The following BCAR3 variants were observed in gnomAD, a reference collection of about 807,000 sequenced individuals.
BCAR3 encodes the protein BCAR3 adaptor protein, NSP family member.
BCAR3 carries 37 observed loss-of-function variants against 80.1 expected under a neutral mutation model. That is an observed-to-expected ratio of 0.46 (90% CI 0.36 to 0.61). The LOEUF is 0.61. BCAR3 is among the 20% of genes least tolerant of loss of function. The pLI, the probability that BCAR3 is intolerant of heterozygous loss-of-function variation, is 0.00. For missense variants in BCAR3, 978 were observed against 1,068.2 expected (o/e 0.92, Z 1.18); for synonymous variants, 389 against 418.9 (o/e 0.93, Z 0.87).
Position 93,590,470 on chromosome 1 carries a change from G to C in BCAR3, c.487-1051C>G, listed in dbSNP as rs561670799. 5.3e-5 allele frequency: 8 copies of C among 152,324 alleles called. No homozygotes were observed. The South Asian group carries it at 1.7e-3, about 32-fold the overall frequency. The allele number at this position is 152,324 out of a possible 1,614,324, so 9.4% of individuals were successfully genotyped here. The stretch of plus-strand genomic sequence containing the variant: ...GCAATAACTCGTTATTACGGTTATG[G>C]TTATAGTGTTCAGTTATCCAGTTTG... On this transcript the variant is annotated intron_variant, in intron 4 of 11. Transcript: ENST00000260502.
chr1:93,629,035 G>A (rs551792220), intron 3 of BCAR3, among the ~76,000 whole-genome samples: 14 of 152,296 alleles, frequency 9.2e-5, no homozygotes, highest in African/African-American at 3.1e-4. Context: ...AGGCCCATAC[G>A]TTTAATATGG....
chr1:93,810,362 A>C (rs1653793877), intron 2 of BCAR3, among the ~76,000 whole-genome samples: 1 of 152,130 alleles, frequency 6.6e-6, no homozygotes. Context: ...CTAGCCCTTA[A>C]GTTTTCCCTT....
At chr1:93,723,789 G>T (rs1347092723) in intron 2 of BCAR3, among the ~76,000 whole-genome samples, 1 of 152,152 alleles carries the variant, frequency 6.6e-6, no homozygotes, top group East Asian at 1.9e-4. Context: ...AACCACTGAA[G>T]GAGGCCAGGA....
chr1:93,613,851 A>G (rs1261712210), intron 3 of BCAR3: 3 of 1,550,306 alleles, frequency 1.9e-6, no homozygotes, highest in East Asian at 4.9e-5. Context: ...ACCTACCTTG[A>G]CTCCAATGAA....
At chr1:93,833,863 C>T (rs552114778) in intron 2 of BCAR3, among the ~76,000 whole-genome samples, 15 of 152,166 alleles carry the variant, frequency 9.9e-5, no homozygotes, top group African/African-American at 3.6e-4. Context: ...ATGAAGATGA[C>T]AGGATTAAGA....
chr1:93,646,668 C>T (rs1362618604), intron 2 of BCAR3: 1 of 151,120 alleles, frequency 6.6e-6, no homozygotes, highest in African/African-American at 2.4e-5. Flanking sequence ...AATACTATAA[C>T]ATTTGCCATG....
At chr1:93,634,190 T>C (rs573682082) in intron 3 of BCAR3, among the ~76,000 whole-genome samples, 6 of 152,340 alleles carry the variant, frequency 3.9e-5, no homozygotes, top group African/African-American at 9.6e-5. Flanking sequence ...TTAGAGTACG[T>C]AGCCTTTGAG....
At chr1:93,700,069 A>G (rs1308055166) in intron 3 of BCAR3, among the ~76,000 whole-genome samples, 1 of 152,196 alleles carries the variant, frequency 6.6e-6, no homozygotes, top group Non-Finnish European at 1.5e-5. Flanking sequence ...AGATCTTCTG[A>G]CCAAAAAACC....
intron 8 of BCAR3, 126 bp downstream of exon 8, chr1:93,575,888 T>C (rs1031562724): frequency 1.4e-6 from 1 of 699,926 alleles, no homozygotes; most frequent in Non-Finnish European, 2.4e-6. Flanking sequence ...CTGTAGGCCA[T>C]GCGCCCTGAA....
chr1:93,634,528 C>T (rs1160193868), intron 3 of BCAR3, among the ~76,000 whole-genome samples: 1 of 151,816 alleles, frequency 6.6e-6, no homozygotes, highest in Non-Finnish European at 1.5e-5. Context: ...CCCACCTCTA[C>T]TAAAAATACA....
intron 7 of BCAR3, among the ~76,000 whole-genome samples, chr1:93,579,403 C>T (rs79262153): frequency 1.4e-3 from 219 of 152,326 alleles, no homozygotes; most frequent in African/African-American, 5.1e-3. Context: ...GAAGTTTCAA[C>T]ATAGCCCTGC....
chr1:93,599,386 C>T (rs1674547137), intron 3 of BCAR3: 1 of 152,198 alleles, frequency 6.6e-6, no homozygotes, highest in Non-Finnish European at 1.5e-5. Context: ...CCTCTTGTGA[C>T]CTAGGCTAGT....
chr1:93,818,916 A>G (rs771538070), intron 2 of BCAR3, among the ~76,000 whole-genome samples: 2 of 152,252 alleles, frequency 1.3e-5, no homozygotes, highest in Non-Finnish European at 2.9e-5. Flanking sequence ...TGCTTGGTAC[A>G]TAGTTAAGTG....
In BCAR3 at chr1:93,821,684, T is replaced by G. The variant is rs1295799246; in HGVS notation, c.-63+23883A>C. 2.0e-5 allele frequency among the ~76,000 whole-genome samples: 3 copies of G among 152,164 alleles called. No individual in the cohort carries two copies. The East Asian group carries it at 5.8e-4, about 29-fold the overall frequency. On this transcript the variant is annotated intron_variant, in intron 2 of 13. Transcript: ENST00000370244. ...AATAACCACCACCAAATAAAAAGAA[T>G]TAGCATTTACTGAGCACTACACATA...
intron 1 of BCAR3, chr1:93,681,056 A>G (rs1300089057): frequency 6.6e-6 from 1 of 152,284 alleles, no homozygotes; most frequent in Non-Finnish European, 1.5e-5. Flanking sequence ...TGTTGTCAAC[A>G]GTTACAGGGC....
At chr1:93,704,361 T>C in intron 3 of BCAR3, among the ~76,000 whole-genome samples, 1 of 151,936 alleles carries the variant, frequency 6.6e-6, no homozygotes, top group Non-Finnish European at 1.5e-5. Flanking sequence ...GACGATGAGG[T>C]CAAAAGTAAT....
At chr1:93,663,114 C>T (rs1647741885) in intron 2 of BCAR3, among the ~76,000 whole-genome samples, 1 of 152,168 alleles carries the variant, frequency 6.6e-6, no homozygotes, top group South Asian at 2.1e-4. Flanking sequence ...TTTATCCTAC[C>T]CTTTCCAGTC....
chr1:93,638,318 T>C (rs1675862133), intron 3 of BCAR3, among the ~76,000 whole-genome samples: 2 of 152,192 alleles, frequency 1.3e-5, no homozygotes, highest in African/African-American at 4.8e-5. Context: ...GATGTGAATC[T>C]CTGTTGGACA....
intron 4 of BCAR3, among the ~76,000 whole-genome samples, chr1:93,591,385 G>C (rs546723381): frequency 6.6e-6 from 1 of 152,194 alleles, no homozygotes; most frequent in South Asian, 2.1e-4. Flanking sequence ...TGAGGCAGGA[G>C]AATCGCTTGA....
Sources: gnomAD v4.1 joint callset for allele counts (sites outside exome capture counted in the v4.1 genomes callset) on GRCh38, gnomAD v4.1.1 for gene constraint, MANE v1.5 for transcripts, NCBI Gene and HGNC (gene_info 2026-07-23, HGNC 2026-07-21) for gene names.